LARGE1: variants seen among roughly 807,000 people sequenced by gnomAD.
LARGE1 encodes xylosyl- and glucuronyltransferase LARGE1.
LARGE1 carries 43 observed loss-of-function variants against 87.6 expected under a neutral mutation model. That is an observed-to-expected ratio of 0.49 (90% confidence interval 0.38 to 0.63). The LOEUF is 0.63. Among genes scored for constraint, LARGE1 ranks in the 30% least tolerant of loss-of-function variants. The probability of loss-of-function intolerance (pLI) is 0.00; values close to 1 mark genes in which losing one functional copy is unlikely to be tolerated. For synonymous variants in LARGE1, 434 were observed against 394.6 expected, an observed-to-expected ratio of 1.10 and a Z score of -1.18; for missense variants, 802 against 1,000.2, an observed-to-expected ratio of 0.80 and a Z score of 2.67.
At chr22:33,848,999 C>A (rs1160263198) in intron 1 of LARGE1, among the ~76,000 whole-genome samples, 1 of 152,258 alleles carries the variant, frequency 6.6e-6, no homozygotes, top group Non-Finnish European at 1.5e-5. Flanking sequence ...TTTACACCCC[C>A]TACTTCATCT....
In LARGE1 at chr22:33,641,749, C is replaced by T. The variant is rs143841157; in HGVS notation, c.408+8618G>A. Among the ~76,000 whole-genome samples, 475 of 151,938 alleles carry T rather than the reference C, an allele frequency of 3.1e-3. 3 individuals carry two copies. The highest frequency in any genetic ancestry group is 0.011 in the African/African-American group (442 of 41,408). On this transcript the variant is annotated intron_variant, in intron 3 of 14. Transcript: ENST00000397394. ...AACTTTGTGAAGCATACACAAGTAT[C>T]GATAGCCGAATCAATCAAACAGAAG... is the stretch of plus-strand genomic sequence containing the variant.
intron 1 of LARGE1, among the ~76,000 whole-genome samples, chr22:33,782,884 T>TAAAC (rs554891448): frequency 8.0e-6 from 1 of 125,492 alleles, no homozygotes; most frequent in African/African-American, 3.1e-5. Context: ...AAATCAAGTT[T>TAAAC]AAAAAAAAAA....
At chr22:33,123,114 G>A in the LARGE1 span, among the ~76,000 whole-genome samples, 1 of 152,174 alleles carries the variant, frequency 6.6e-6, no homozygotes, top group Non-Finnish European at 1.5e-5. Context: ...CAGCTAGGAA[G>A]GGGTAATCCA....
intron 6 of LARGE1, among the ~76,000 whole-genome samples, chr22:33,506,951 T>C (rs2070794067): frequency 6.6e-6 from 1 of 152,160 alleles, no homozygotes; most frequent in Admixed American, 6.5e-5. Context: ...AAGCAGACTG[T>C]ACCCCCAGAC....
intron 4 of LARGE1, among the ~76,000 whole-genome samples, chr22:33,611,969 GC>G (rs2079442362): frequency 6.6e-6 from 1 of 151,848 alleles, no homozygotes; most frequent in Non-Finnish European, 1.5e-5. Flanking sequence ...CTCCTTTTTT[GC>G]CCTTCTGACA....
intron 10 of LARGE1, among the ~76,000 whole-genome samples, chr22:33,324,484 A>G (rs1487507671): frequency 6.6e-6 from 1 of 152,098 alleles, no homozygotes; most frequent in Non-Finnish European, 1.5e-5. Flanking sequence ...CAAGGGAGGC[A>G]CAGAAACAAA....
intron 9 of LARGE1, among the ~76,000 whole-genome samples, chr22:33,348,220 T>C (rs956081337): frequency 6.6e-6 from 1 of 151,766 alleles, no homozygotes; most frequent in African/African-American, 2.4e-5. Context: ...TGAGCCAAGA[T>C]TGCTCCACTG....
chr22:33,600,508 GA>G (rs1328905652), intron 5 of LARGE1, among the ~76,000 whole-genome samples: 5 of 152,150 alleles, frequency 3.3e-5, no homozygotes, highest in Admixed American at 3.3e-4. Context: ...CAACCCCTAT[GA>G]AATGATAAAG....
chr22:33,880,632 A>T (rs1461583881), intron 1 of LARGE1, among the ~76,000 whole-genome samples: 1 of 152,162 alleles, frequency 6.6e-6, no homozygotes, highest in Non-Finnish European at 1.5e-5. Flanking sequence ...CACCCCACAC[A>T]AATGATGTGT....
intron 11 of LARGE1, among the ~76,000 whole-genome samples, chr22:33,210,788 T>C (rs1033517092): frequency 6.6e-6 from 1 of 152,216 alleles, no homozygotes; most frequent in Non-Finnish European, 1.5e-5. Context: ...GGCTCTCCCC[T>C]GTTCCCAGGC....
At chr22:33,709,979 G>GAAAA (rs5845106) in intron 2 of LARGE1, among the ~76,000 whole-genome samples, 4 of 88,778 alleles carry the variant, frequency 4.5e-5, no homozygotes, top group Admixed American at 1.2e-4. Flanking sequence ...TTGCTAGGCA[G>GAAAA]AAAAAAAAAA....
chr22:33,293,133 T>C (rs1487879774), intron 12 of LARGE1, among the ~76,000 whole-genome samples: 2 of 152,182 alleles, frequency 1.3e-5, no homozygotes, highest in Non-Finnish European at 2.9e-5. Context: ...AAGCAGGAGT[T>C]AGCCAGTCAG....
At chr22:33,521,333 C>A (rs181414591) in intron 6 of LARGE1, among the ~76,000 whole-genome samples, 140 of 152,352 alleles carry the variant, frequency 9.2e-4, no homozygotes, top group Non-Finnish European at 1.7e-3. Context: ...GCCATAAGTA[C>A]AGCTGTTGGA....
At chr22:33,901,584 T>C (rs1255666456) in intron 1 of LARGE1, among the ~76,000 whole-genome samples, 1 of 152,086 alleles carries the variant, frequency 6.6e-6, no homozygotes, top group African/African-American at 2.4e-5. Flanking sequence ...GGTGGGAGAA[T>C]CGCTTAAGCC....
chr22:33,297,641 C>T (rs1407336842), intron 12 of LARGE1, among the ~76,000 whole-genome samples: 2 of 149,498 alleles, frequency 1.3e-5, no homozygotes, highest in Non-Finnish European at 3.0e-5. Flanking sequence ...GGGTTTGTCC[C>T]CAAGAAGGCA....
chr22:33,200,849 T>C (rs1924345058), intron 11 of LARGE1, among the ~76,000 whole-genome samples: 1 of 152,132 alleles, frequency 6.6e-6, no homozygotes, highest in Admixed American at 6.5e-5. Flanking sequence ...AGGGATTCTT[T>C]GGGGGATGAT....
At chr22:33,599,475 C>T (rs1363226069) in intron 5 of LARGE1, among the ~76,000 whole-genome samples, 1 of 152,132 alleles carries the variant, frequency 6.6e-6, no homozygotes, top group African/African-American at 2.4e-5. Flanking sequence ...AGGCCGGAAA[C>T]AAATGGGCCA....
At chr22:33,313,088 C>T (rs1239515947) in intron 11 of LARGE1, among the ~76,000 whole-genome samples, 1 of 152,204 alleles carries the variant, frequency 6.6e-6, no homozygotes, top group African/African-American at 2.4e-5. Flanking sequence ...CCCTGAGGCC[C>T]TCTGTGATCC....
At chr22:33,619,378 A>G (rs1051257196) in intron 4 of LARGE1, among the ~76,000 whole-genome samples, 8 of 151,986 alleles carry the variant, frequency 5.3e-5, no homozygotes, top group Non-Finnish European at 1.2e-4. Context: ...AACGTGGCAA[A>G]ACCCCATCTC....
Sources: gnomAD v4.1 joint callset for allele counts (sites outside exome capture counted in the v4.1 genomes callset) on GRCh38, gnomAD v4.1.1 for gene constraint, MANE v1.5 for transcripts, NCBI Gene and HGNC (gene_info 2026-07-23, HGNC 2026-07-21) for gene names.